The following VAC14 variants were observed in gnomAD, a reference collection of about 807,000 sequenced individuals.
The protein encoded by VAC14 is protein VAC14 homolog.
A neutral mutation model predicts 85.3 loss-of-function variants in VAC14; 47 were observed. The ratio of observed to expected loss-of-function variants is 0.55; its 90% CI spans 0.44 to 0.70. The LOEUF is 0.70. Among genes scored for constraint, VAC14 ranks in the 30% least tolerant of loss-of-function variants. The pLI is 0.00. For synonymous variants in VAC14, 447 were observed against 430.5 expected (o/e 1.04, Z -0.47); for missense variants, 861 against 1,004.3 (o/e 0.86, Z 1.93).
intron 14 of VAC14, among the ~76,000 whole-genome samples, chr16:70,710,949 C>T (rs2054020152): frequency 6.6e-6 from 1 of 152,260 alleles, no homozygotes. Context: ...GAAGGAGTTC[C>T]GGCCAGGGGC....
intron 10 of VAC14, chr16:70,771,247 C>CA (rs2033197540): frequency 6.6e-6 from 1 of 152,264 alleles, no homozygotes; most frequent in East Asian, 1.9e-4. Flanking sequence ...TATTTTGCTG[C>CA]CTGGTCTGCA....
Position 70,754,834 on chromosome 16 carries a change from G to T in VAC14, c.1371+7706C>A, listed in dbSNP as rs2031699075. ...GGTGTTTTTGTTTGTTTTGGAGAGT[G>T]GATGGAATGAAAATTGGAGGGAAGT... On this transcript the variant is annotated intron_variant, in intron 12 of 18. Transcript: ENST00000261776. Among the ~76,000 whole-genome samples the T allele has an allele frequency of 1.3e-5, 2 of 152,294 alleles. 1 individual carries two copies. Among genetic ancestry groups the T allele is most frequent in the East Asian group, 3.9e-4 (2 of 5,184 alleles).
rs1339343892 is a variant in VAC14, at chr16:70,687,852, G to T, written c.*76C>A. On this transcript the variant is annotated 3_prime_UTR_variant, in exon 19 of 19. Coordinates refer to ENST00000261776, the MANE Select transcript of VAC14 (RefSeq NM_018052.5). ...CCCTGGTCCTGACAGGCAGGTCCTT[G>T]AGCTCCTCGGGAGGGCGTGACGACC... 3.0e-6 allele frequency: 4 copies of T among 1,338,900 alleles called. No individual in the cohort carries two copies. The African/African-American group carries it at 6.1e-5, about 20-fold the overall frequency. The allele number at this position is 1,338,900 out of a possible 1,614,324, so 82.9% of individuals were successfully genotyped here. A position where few individuals can be genotyped will look rare whatever the true frequency, so the allele number is the denominator to read the frequency against.
chr16:70,689,538 T>G, intron 18 of VAC14: 1 of 985,562 alleles, frequency 1.0e-6, no homozygotes, highest in Non-Finnish European at 1.2e-6. Flanking sequence ...AGATGCCATC[T>G]GGGGCCCGGA....
rs116105543 is a variant in VAC14 at position 70,689,561 on chromosome 16, C to A, written c.2187-1471G>T. The A allele has an allele frequency of 4.2e-3, 4,111 of 985,634 alleles. 136 individuals carry two copies. The African/African-American group carries it at 0.067, about 16-fold the overall frequency. 61.1% of individuals were successfully genotyped at this position (985,634 alleles called of 1,614,324 possible). On this transcript the variant is annotated intron_variant, in intron 18 of 18. Transcript: ENST00000261776. The stretch of plus-strand genomic sequence containing the variant: ...TCTGGGGCCCGGAGGCGGCCTCCTG[C>A]ACCCCTGCTCAGCTCTGCCTGCCCA...
chr16:70,732,260 A>C (rs1378748848), intron 13 of VAC14, among the ~76,000 whole-genome samples: 1 of 152,222 alleles, frequency 6.6e-6, no homozygotes, highest in Non-Finnish European at 1.5e-5. Context: ...TTACTTTTGA[A>C]ATCAAAAGTT....
At chr16:70,688,629 G>A in intron 18 of VAC14, 1 of 985,602 alleles carries the variant, frequency 1.0e-6, no homozygotes, top group Non-Finnish European at 1.2e-6. Flanking sequence ...TCCCTGGGAG[G>A]AGGAATGCCG....
intron 14 of VAC14, among the ~76,000 whole-genome samples, chr16:70,726,848 G>A (rs935915847): frequency 6.6e-5 from 10 of 152,146 alleles, no homozygotes; most frequent in South Asian, 2.1e-4. Context: ...CATCTCAACC[G>A]TTATGTCCAC....
At chr16:70,779,556 G>A (rs963448557) in intron 9 of VAC14, among the ~76,000 whole-genome samples, 4 of 152,162 alleles carry the variant, frequency 2.6e-5, no homozygotes, top group Non-Finnish European at 4.4e-5. Context: ...TAGACTGTAA[G>A]CCTCTGGAGC....
intron 10 of VAC14, chr16:70,768,516 G>A (rs576367690): frequency 3.5e-6 from 1 of 283,954 alleles, no homozygotes; most frequent in Admixed American, 5.0e-5. Flanking sequence ...CCATGCTCTG[G>A]AGGGTGGAGG....
At chr16:70,779,795 G>A (rs1161975045) in intron 9 of VAC14, among the ~76,000 whole-genome samples, 1 of 152,098 alleles carries the variant, frequency 6.6e-6, no homozygotes, top group Non-Finnish European at 1.5e-5. Context: ...GATTACATCT[G>A]GAGTCAAATT....
At chr16:70,707,243 G>A (rs952348936) in intron 14 of VAC14, among the ~76,000 whole-genome samples, 2 of 152,248 alleles carry the variant, frequency 1.3e-5, no homozygotes, top group Non-Finnish European at 2.9e-5. Context: ...GCCCCTCAGG[G>A]CAAAGGCAGC....
intron 14 of VAC14, among the ~76,000 whole-genome samples, chr16:70,718,628 T>G (rs372736342): frequency 1.3e-4 from 20 of 151,788 alleles, no homozygotes; most frequent in Middle Eastern, 3.4e-3. Context: ...GGCAGCCACA[T>G]GGCCAGCCCC....
intron 10 of VAC14, chr16:70,766,305 T>C: frequency 2.8e-6 from 1 of 360,984 alleles, no homozygotes; most frequent in Non-Finnish European, 5.5e-6. Flanking sequence ...ACAGTGGCCC[T>C]AAGATGCTGC....
intron 1 of VAC14, among the ~76,000 whole-genome samples, chr16:70,787,292 G>C (rs2034110102): frequency 6.6e-6 from 1 of 152,210 alleles, no homozygotes; most frequent in Non-Finnish European, 1.5e-5. Context: ...GGAAAGTGCA[G>C]CAGGGACTGT....
intron 1 of VAC14, among the ~76,000 whole-genome samples, chr16:70,789,407 G>A (rs1330125677): frequency 6.6e-6 from 1 of 152,216 alleles, no homozygotes; most frequent in Non-Finnish European, 1.5e-5. Context: ...TGATGTGGCA[G>A]CATCAGAGAC....
chr16:70,780,418 G>A (rs1014898726), intron 9 of VAC14, among the ~76,000 whole-genome samples: 8 of 152,082 alleles, frequency 5.3e-5, no homozygotes, highest in African/African-American at 1.9e-4. Context: ...CTCCTCCCAT[G>A]CTCCAAACCT....
chr16:70,743,341 CA>C (rs1318794634), intron 13 of VAC14, among the ~76,000 whole-genome samples: 1 of 152,142 alleles, frequency 6.6e-6, no homozygotes, highest in East Asian at 1.9e-4. Context: ...TGAGCGGGAC[CA>C]AAAAAGGGAA....
intron 18 of VAC14, chr16:70,688,941 G>C: frequency 4.1e-6 from 4 of 985,526 alleles, no homozygotes; most frequent in African/African-American, 3.5e-5. Context: ...GGGCTAGGAA[G>C]TATCTGTTTC....
Sources: allele counts gnomAD v4.1 joint callset (sites outside exome capture counted in the v4.1 genomes callset), GRCh38; gene constraint gnomAD v4.1.1; transcripts MANE v1.5; gene names NCBI Gene and HGNC (gene_info 2026-07-23, HGNC 2026-07-21).